CERS6: variants seen among roughly 807,000 people sequenced by gnomAD.
CERS6 encodes the protein ceramide synthase 6, also known as LAG1 homolog, ceramide synthase 6.
CERS6 carries 26 observed loss-of-function variants against 56.8 expected under a neutral mutation model. The ratio of observed to expected loss-of-function variants is 0.46; its 90% confidence interval spans 0.34 to 0.63. CERS6 has a LOEUF of 0.63. Ranked by LOEUF, CERS6 falls within the 30% of genes least tolerant of loss-of-function variation. The pLI, the probability that CERS6 is intolerant of heterozygous loss-of-function variation, is 0.01. For missense variants in CERS6, 415 were observed against 467.5 expected (o/e 0.89, Z 1.04); for synonymous variants, 164 against 173.3 (o/e 0.95, Z 0.42).
chr2:168,614,863 T>A (rs1684278216), intron 3 of CERS6, among the ~76,000 whole-genome samples: 1 of 152,016 alleles, frequency 6.6e-6, no homozygotes, highest in Admixed American at 6.6e-5. Context: ...CTCCCTATAT[T>A]ACCACAGCTG....
chr2:168,631,959 G>T (rs896758309), intron 4 of CERS6, among the ~76,000 whole-genome samples: 2 of 147,980 alleles, frequency 1.4e-5, no homozygotes, highest in South Asian at 2.1e-4. Flanking sequence ...AGCACTAACT[G>T]CTGGTGGAAA....
intron 1 of CERS6, among the ~76,000 whole-genome samples, chr2:168,544,727 G>A (rs1409049223): frequency 6.6e-6 from 1 of 152,142 alleles, no homozygotes; most frequent in African/African-American, 2.4e-5. Flanking sequence ...TGTCCACATG[G>A]GACCCTCTGC....
chr2:168,498,791 G>C (rs1694523294), intron 1 of CERS6, among the ~76,000 whole-genome samples: 1 of 152,192 alleles, frequency 6.6e-6, no homozygotes, highest in Non-Finnish European at 1.5e-5. Context: ...GGCAGCGTCA[G>C]GTGGTTGGTC....
chr2:168,572,344 A>G (rs1004471814), intron 3 of CERS6, among the ~76,000 whole-genome samples: 1 of 152,084 alleles, frequency 6.6e-6, no homozygotes, highest in African/African-American at 2.4e-5. Context: ...TGGAGCCTTT[A>G]CATTTAAATA....
rs78844606 is a variant in CERS6 at position 168,498,386 on chromosome 2, G to T, written c.170+41768G>T. 1.3e-4 allele frequency among the ~76,000 whole-genome samples: 20 copies of T among 152,158 alleles called. No homozygotes were observed. In the East Asian group the frequency reaches 3.9e-3, roughly 29 times the overall value. ...AGGAGGGCTTTATTTCTAAAAGAGG[G>T]TACCACAACCTGCAGGCAGGAAGCA... is the stretch of plus-strand genomic sequence containing the variant. On this transcript the variant is annotated intron_variant, in intron 1 of 9. Transcript: ENST00000305747.
intron 4 of CERS6, among the ~76,000 whole-genome samples, chr2:168,631,520 T>TAA (rs1684719531): frequency 8.2e-6 from 1 of 122,348 alleles, no homozygotes; most frequent in African/African-American, 3.2e-5. Context: ...ATATAAACTA[T>TAA]TATATAAATA....
intron 8 of CERS6, among the ~76,000 whole-genome samples, chr2:168,738,105 G>A (rs6433088): frequency 0.93 from 141,541 of 152,336 alleles, 65,838 homozygotes; most frequent in East Asian, 0.99. Context: ...GAAATTTTCA[G>A]TTATAAAGGT....
chr2:168,728,156 C>T (rs1202175492), intron 8 of CERS6, among the ~76,000 whole-genome samples: 4 of 152,028 alleles, frequency 2.6e-5, no homozygotes, highest in Non-Finnish European at 5.9e-5. Flanking sequence ...CTTTATGCTA[C>T]AGTGGCATGG....
chr2:168,604,870 T>C (rs942284752), intron 3 of CERS6, among the ~76,000 whole-genome samples: 1 of 152,224 alleles, frequency 6.6e-6, no homozygotes, highest in African/African-American at 2.4e-5. Context: ...TTACTCAGTC[T>C]CAGGTATTTC....
In CERS6 at chr2:168,772,366, A is replaced by C. The variant is rs1684886384; in HGVS notation, c.*2704A>C. ...GTAGGGGGAAAGTAGAAAATCGAGT[A>C]GAATTTGGCCTCAGGTCAATAAATG... On this transcript the variant is annotated 3_prime_UTR_variant, in exon 10 of 10. Transcript: ENST00000305747. 6.6e-6 allele frequency: 1 copy of C among 152,658 alleles called. No homozygotes were observed. The highest frequency in any genetic ancestry group is 6.5e-5 in the Admixed American group (1 of 15,284). The allele number at this position is 152,658 out of a possible 1,614,324, so 9.5% of individuals were successfully genotyped here. A position where few individuals can be genotyped will look rare whatever the true frequency, so the allele number is the denominator to read the frequency against.
rs766228939 is a variant in CERS6, at chr2:168,694,997, G to A, written c.555G>A (p.Glu185=). ...ACCTTCACTACTATTACATCCTGGA[G>A]CTGTCGTTTTATTGGTCTTTGATGT... The part of the protein sequence containing the change: ...TTDLHYYYIL[E]LSFYWSLMFS... Residue 185 remains glutamate, a synonymous_variant, in exon 6 of 10, where the codon GAG becomes GAA. Transcript: ENST00000305747. 6.2e-7 allele frequency: 1 copy of A among 1,613,496 alleles called. No individual in the cohort carries two copies. Among genetic ancestry groups the A allele is most frequent in the South Asian group, 1.1e-5 (1 of 91,046 alleles).
chr2:168,762,530 T>C (rs1377957510), intron 8 of CERS6, among the ~76,000 whole-genome samples: 1 of 152,236 alleles, frequency 6.6e-6, no homozygotes, highest in African/African-American at 2.4e-5. Context: ...GAATTAAACA[T>C]TACCAAATGT....
intron 8 of CERS6, among the ~76,000 whole-genome samples, chr2:168,737,684 G>A (rs1165834514): frequency 6.6e-6 from 1 of 152,166 alleles, no homozygotes; most frequent in Non-Finnish European, 1.5e-5. Flanking sequence ...AATATAATGT[G>A]CATCTTCTTT....
intron 4 of CERS6, among the ~76,000 whole-genome samples, chr2:168,653,113 A>G (rs1411850459): frequency 6.6e-6 from 1 of 152,182 alleles, no homozygotes; most frequent in Non-Finnish European, 1.5e-5. Flanking sequence ...TATGAAGCAA[A>G]GTTTCTGTTG....
chr2:168,568,890 A>C (rs1695932227), intron 3 of CERS6, among the ~76,000 whole-genome samples: 1 of 152,214 alleles, frequency 6.6e-6, no homozygotes, highest in Non-Finnish European at 1.5e-5. Flanking sequence ...AACACTCAGA[A>C]ATTTCATCAG....
intron 2 of CERS6, among the ~76,000 whole-genome samples, chr2:168,548,742 T>A (rs1695511247): frequency 6.6e-6 from 1 of 152,250 alleles, no homozygotes; most frequent in South Asian, 2.1e-4. Flanking sequence ...TTATCTATTT[T>A]ATGGTCTTCA....
rs1052751080 is a variant in CERS6, at chr2:168,775,081, G to C, written c.*5419G>C. 6.6e-6 allele frequency: 1 copy of C among 152,068 alleles called. No homozygotes were observed. The highest frequency in any genetic ancestry group is 1.5e-5 in the Non-Finnish European group (1 of 68,008). The allele number at this position is 152,068 out of a possible 1,614,324, so 9.4% of individuals were successfully genotyped here. The stretch of plus-strand genomic sequence containing the variant: ...TCTCTGGAAGCAATCATTATTATGA[G>C]GATCATTTTACTTTGGAAACACTTT... On this transcript the variant is annotated 3_prime_UTR_variant, in exon 10 of 10. Transcript: ENST00000305747.
rs35372610 is a variant in CERS6 at position 168,464,174 on chromosome 2, T to TTGTGTGTGTGTGTGTG, written c.170+7579_170+7594dup. On this transcript the variant is annotated intron_variant, in intron 1 of 9. Transcript: ENST00000305747. ...TTCTCTGGTCACATATTTATACTTTTTGTGTGTGTGTGTGTGTGTGTGTGT... is the reference window on the plus strand; with the variant it reads ...TTCTCTGGTCACATATTTATACTTTTTGTGTGTGTGTGTGTGTGTGTGTGTGTGTGTGTGTGTGTGT... 2.8e-3 allele frequency among the ~76,000 whole-genome samples: 396 copies of TTGTGTGTGTGTGTGTG among 139,768 alleles called. 7 individuals carry two copies. The highest frequency in any genetic ancestry group is 9.5e-3 in the African/African-American group (354 of 37,078). 91.7% of individuals were successfully genotyped at this position (139,768 alleles called of 152,430 possible).
chr2:168,667,206 C>T (rs1685784339), intron 4 of CERS6, among the ~76,000 whole-genome samples: 1 of 152,228 alleles, frequency 6.6e-6, no homozygotes, highest in South Asian at 2.1e-4. Flanking sequence ...GTCCTAGTGA[C>T]ATTTAGAAAA....
Sources: gnomAD v4.1 joint callset for allele counts (sites outside exome capture counted in the v4.1 genomes callset) on GRCh38, gnomAD v4.1.1 for gene constraint, MANE v1.5 for transcripts, NCBI Gene and HGNC (gene_info 2026-07-23, HGNC 2026-07-21) for gene names.